The following BORCS5 variants were observed in gnomAD, a reference collection of about 807,000 sequenced individuals.
The protein encoded by BORCS5 is BLOC-1-related complex subunit 5.
A neutral mutation model predicts 22.1 loss-of-function variants in BORCS5; 17 were observed. The observed-to-expected ratio is 0.77, with a 90% confidence interval of 0.53 to 1.15. BORCS5 has a LOEUF of 1.15. Ranked by LOEUF, BORCS5 falls within the 50% of genes most tolerant of loss-of-function variation. BORCS5 has a pLI of 0.00. For synonymous variants in BORCS5, 117 were observed against 99.8 expected, an observed-to-expected ratio of 1.17 and a Z score of -1.03; for missense variants, 247 against 253.2, an observed-to-expected ratio of 0.98 and a Z score of 0.17.
chr12:12,451,711 G>A (rs545452910), intron 3 of BORCS5, among the ~76,000 whole-genome samples: 23 of 150,968 alleles, frequency 1.5e-4, no homozygotes, highest in Admixed American at 9.9e-4. Flanking sequence ...GTGAAACCCC[G>A]TCTAATTTTT....
At chr12:12,406,284 C>T (rs1326538362) in intron 2 of BORCS5, among the ~76,000 whole-genome samples, 1 of 152,154 alleles carries the variant, frequency 6.6e-6, no homozygotes, top group Non-Finnish European at 1.5e-5. Flanking sequence ...GATTATTTTC[C>T]TTATTAGTAG....
intron 3 of BORCS5, among the ~76,000 whole-genome samples, chr12:12,464,317 G>T (rs990985491): frequency 6.6e-6 from 1 of 151,964 alleles, no homozygotes; most frequent in Admixed American, 6.6e-5. Flanking sequence ...TGCTTCGGTC[G>T]CCTCCCGCCC....
rs185178426 is a variant in BORCS5 at position 12,428,685 on chromosome 12, G to A, written c.203-6943G>A. Among the ~76,000 whole-genome samples the A allele has an allele frequency of 6.6e-5, 10 of 152,172 alleles. No homozygotes were observed. In the East Asian group the frequency reaches 7.7e-4, roughly 12 times the overall value. ...ACTAACCATAAGTATGTGGATCAAC[G>A]TTCTTCTTTATGGAGTATTAGGAGT... On this transcript the variant is annotated intron_variant, in intron 2 of 3. Coordinates refer to ENST00000314565, the MANE Select transcript of BORCS5 (RefSeq NM_058169.6).
Position 12,407,750 on chromosome 12 carries a change from G to T in BORCS5, c.203-27878G>T, listed in dbSNP as rs1941626546. On this transcript the variant is annotated intron_variant, in intron 2 of 3. Transcript: ENST00000314565. The stretch of plus-strand genomic sequence containing the variant: ...AGACAGGGCCTCACGCTGTCACCCA[G>T]GCTAGAGTGCAGTGGCACGATCTTG... 2.0e-5 allele frequency among the ~76,000 whole-genome samples: 3 copies of T among 146,400 alleles called. No individual in the cohort carries two copies. In the Admixed American group the frequency reaches 2.1e-4, roughly 10 times the overall value.
chr12:12,414,765 C>G (rs1168038283), intron 2 of BORCS5, among the ~76,000 whole-genome samples: 20 of 103,874 alleles, frequency 1.9e-4, no homozygotes, highest in Non-Finnish European at 3.4e-4. Flanking sequence ...GGGTGGCTGC[C>G]GGACGGAGGG....
At chr12:12,434,853 G>C (rs1203687413) in intron 2 of BORCS5, among the ~76,000 whole-genome samples, 1 of 152,216 alleles carries the variant, frequency 6.6e-6, no homozygotes, top group Non-Finnish European at 1.5e-5. Context: ...TAGAGGTTCT[G>C]ATAATTGAGA....
At chr12:12,462,650 ATTTAT>A in intron 3 of BORCS5, among the ~76,000 whole-genome samples, 1 of 103,114 alleles carries the variant, frequency 9.7e-6, no homozygotes, top group South Asian at 2.5e-4. Flanking sequence ...CTGAAGCTGG[ATTTAT>A]TTTATTTTAT....
At chr12:12,437,743 A>G (rs184111202) in intron 3 of BORCS5, among the ~76,000 whole-genome samples, 89 of 152,328 alleles carry the variant, frequency 5.8e-4, no homozygotes, top group Admixed American at 2.6e-4. Flanking sequence ...GGGAAATGCT[A>G]TTGTAGACAT....
At chr12:12,367,635 G>A (rs1162102161) in intron 2 of BORCS5, among the ~76,000 whole-genome samples, 3 of 152,330 alleles carry the variant, frequency 2.0e-5, no homozygotes, top group South Asian at 4.1e-4. Flanking sequence ...TCAGAAGAGT[G>A]GGAAGTACCA....
chr12:12,391,435 G>A (rs993424446), intron 2 of BORCS5, among the ~76,000 whole-genome samples: 3 of 151,760 alleles, frequency 2.0e-5, no homozygotes, highest in Non-Finnish European at 4.4e-5. Flanking sequence ...ACCTAGGCTG[G>A]AGTGCAGTGG....
In BORCS5 at chr12:12,386,110, C is replaced by T. The variant is rs1483310921; in HGVS notation, c.202+24761C>T. On this transcript the variant is annotated intron_variant, in intron 2 of 3. Transcript: ENST00000314565. Reference sequence around the variant, plus strand: ...CTGCCTCCTGAGTTCAAGCGATTCTCGTACCTCAGTCTCTTGAGTAGCTGC... The same window carrying T: ...CTGCCTCCTGAGTTCAAGCGATTCTTGTACCTCAGTCTCTTGAGTAGCTGC... Among the ~76,000 whole-genome samples, 6 of 150,298 alleles carry T rather than the reference C, an allele frequency of 4.0e-5. 1 individual carries two copies. The highest frequency in any genetic ancestry group is 9.8e-5 in the African/African-American group (4 of 40,834).
intron 3 of BORCS5, among the ~76,000 whole-genome samples, chr12:12,457,890 A>G (rs1263905832): frequency 2.0e-5 from 3 of 152,240 alleles, no homozygotes; most frequent in Admixed American, 6.5e-5. Context: ...GGTTAGATGT[A>G]CAGCCTCAGT....
At chr12:12,410,721 G>A (rs532847315) in intron 2 of BORCS5, among the ~76,000 whole-genome samples, 123 of 152,264 alleles carry the variant, frequency 8.1e-4, no homozygotes, top group African/African-American at 2.8e-3. Context: ...CTCTTTTTTG[G>A]TTCCATATGA....
intron 2 of BORCS5, among the ~76,000 whole-genome samples, chr12:12,433,873 G>T (rs931230215): frequency 6.6e-6 from 1 of 152,156 alleles, no homozygotes; most frequent in South Asian, 2.1e-4. Flanking sequence ...GGACAACCTA[G>T]CTGGGTAGCC....
chr12:12,357,208 G>A lies in BORCS5; in HGVS notation c.-244G>A. ...TCTTAGGGCTCCCGGAAAGAAGGAG[G>A]GCTAGCCGCGTGCGTTCGCGCCGCG... On this transcript the variant is annotated 5_prime_UTR_variant, in exon 1 of 4. Transcript: ENST00000314565. 1 of 1,490,454 alleles carries A rather than the reference G, an allele frequency of 6.7e-7. No individual in the cohort carries two copies. Among genetic ancestry groups the A allele is most frequent in the Non-Finnish European group, 8.9e-7 (1 of 1,124,018 alleles). 92.3% of individuals were successfully genotyped at this position (1,490,454 alleles called of 1,614,324 possible). A position where few individuals can be genotyped will look rare whatever the true frequency, so the allele number is the denominator to read the frequency against.
At chr12:12,438,452 AT>A (rs746141955) in intron 3 of BORCS5, among the ~76,000 whole-genome samples, 1 of 151,894 alleles carries the variant, frequency 6.6e-6, no homozygotes, top group Non-Finnish European at 1.5e-5. Context: ...GTACGGAGAG[AT>A]TAACTGACTA....
At chr12:12,362,750 C>G (rs1221138832) in intron 2 of BORCS5, among the ~76,000 whole-genome samples, 1 of 147,650 alleles carries the variant, frequency 6.8e-6, no homozygotes, top group East Asian at 2.0e-4. Flanking sequence ...AGTGATTCTC[C>G]TGCCTCAGCC....
chr12:12,364,729 G>T (rs1863368111), intron 2 of BORCS5, among the ~76,000 whole-genome samples: 1 of 152,254 alleles, frequency 6.6e-6, no homozygotes, highest in Non-Finnish European at 1.5e-5. Context: ...CACTTTGGAA[G>T]GCCAAGGCGG....
At chr12:12,377,434 C>T (rs1025357656) in intron 2 of BORCS5, among the ~76,000 whole-genome samples, 6 of 152,114 alleles carry the variant, frequency 3.9e-5, no homozygotes, top group African/African-American at 1.4e-4. Flanking sequence ...CTGCCTCAGC[C>T]TCCCAAAGTC....
Sources: allele counts gnomAD v4.1 joint callset (sites outside exome capture counted in the v4.1 genomes callset), GRCh38; gene constraint gnomAD v4.1.1; transcripts MANE v1.5; gene names NCBI Gene and HGNC (gene_info 2026-07-23, HGNC 2026-07-21).